SEC14L3: variants seen among roughly 807,000 people sequenced by gnomAD.
SEC14L3 encodes SEC14 like lipid binding 3.
A neutral mutation model predicts 57.4 loss-of-function variants in SEC14L3; 56 were observed. The ratio of observed to expected loss-of-function variants is 0.97; its 90% CI spans 0.79 to 1.22. The LOEUF (loss-of-function observed/expected upper bound fraction) is 1.22. Among genes scored for constraint, SEC14L3 ranks in the 50% most tolerant of loss-of-function variants. The pLI, the probability that SEC14L3 is intolerant of heterozygous loss-of-function variation, is 0.00. For missense variants in SEC14L3, 485 were observed against 511.7 expected (o/e 0.95, Z 0.50); for synonymous variants, 173 against 194.4 (o/e 0.89, Z 0.92).
At chr22:30,471,783 C>G in intron 1 of SEC14L3, 122 bp downstream of exon 1, 1 of 1,427,510 alleles carries the variant, frequency 7.0e-7, no homozygotes, top group Non-Finnish European at 9.8e-7. Flanking sequence ...GGAGGTAACA[C>G]CAAAGAGACA....
In SEC14L3 at chr22:30,459,353, TCAGA is replaced by T; in HGVS notation, c.*664_*667del. The T allele has an allele frequency of 1.0e-6, 1 of 985,410 alleles. No individual in the cohort carries two copies. Among genetic ancestry groups the T allele is most frequent in the East Asian group, 1.1e-4 (1 of 8,814 alleles). The allele number at this position is 985,410 out of a possible 1,614,324, so 61.0% of individuals were successfully genotyped here. ...TAGGGTGGGAAGCTGAGCGTGCAAG[TCAGA>T]CAAAGCCTGATGTAGGCAGCTCCTA... On this transcript the variant is annotated 3_prime_UTR_variant, in exon 12 of 12. Coordinates refer to ENST00000215812, the MANE Select transcript of SEC14L3 (RefSeq NM_174975.5).
chr22:30,452,213 G>A (rs1935000601), intron 12 of SEC14L3, among the ~76,000 whole-genome samples: 1 of 149,624 alleles, frequency 6.7e-6, no homozygotes, highest in Non-Finnish European at 1.5e-5. Flanking sequence ...AGAGATAACT[G>A]CACGTGCTCA....
At chr22:30,451,733 T>C (rs1246886461) in intron 12 of SEC14L3, among the ~76,000 whole-genome samples, 1 of 151,880 alleles carries the variant, frequency 6.6e-6, no homozygotes, top group Non-Finnish European at 1.5e-5. Flanking sequence ...CTCAAGCCTG[T>C]AACCCCAGCA....
At chr22:30,447,726 G>A (rs5753149), downstream of SEC14L3, among the ~76,000 whole-genome samples, 13,743 of 152,212 alleles carry the variant, frequency 0.09, 784 homozygotes, top group Middle Eastern at 0.15. Flanking sequence ...TAAATCCATC[G>A]TGAGTGAGGA....
downstream of SEC14L3, among the ~76,000 whole-genome samples, chr22:30,454,583 A>G (rs1569224999): frequency 2.9e-5 from 3 of 105,204 alleles, no homozygotes; most frequent in Non-Finnish European, 3.4e-5. Flanking sequence ...AATCTATAAT[A>G]ATATTATTAT....
chr22:30,462,468 A>T (rs961789166), intron 8 of SEC14L3, among the ~76,000 whole-genome samples: 1 of 151,800 alleles, frequency 6.6e-6, no homozygotes, highest in African/African-American at 2.4e-5. Flanking sequence ...GTGCAGTGGA[A>T]TGATCATGGC....
At chr22:30,457,572 G>A (rs1002825975), downstream of SEC14L3, among the ~76,000 whole-genome samples, 7 of 151,864 alleles carry the variant, frequency 4.6e-5, no homozygotes, top group South Asian at 2.1e-4. Context: ...TAGTAGAGAC[G>A]GGGTTTCACC....
At position 30,448,566 on chromosome 22, in the gene SEC14L3, TAAA is replaced by T. The variant is rs10580243; in HGVS notation, c.*518_*520del. 3.2e-3 allele frequency: 378 copies of T among 118,080 alleles called. 2 individuals are homozygous for T. The highest frequency in any genetic ancestry group is 4.9e-3 in the African/African-American group (149 of 30,386). The allele number at this position is 118,080 out of a possible 1,614,324, so 7.3% of individuals were successfully genotyped here. A position where few individuals can be genotyped will look rare whatever the true frequency, so the allele number is the denominator to read the frequency against. On this transcript the variant is annotated 3_prime_UTR_variant, in exon 13 of 13. Coordinates refer to the SEC14L3 transcript ENST00000403066. The stretch of plus-strand genomic sequence containing the variant: ...ACTAAACAAATGCCTTACATTCTCC[TAAA>T]AAAAAAAAAAAAAAAAGCCCAGACC...
downstream of SEC14L3, among the ~76,000 whole-genome samples, chr22:30,447,725 C>G (rs1047336065): frequency 6.6e-6 from 1 of 152,110 alleles, no homozygotes; most frequent in Non-Finnish European, 1.5e-5. Flanking sequence ...GTAAATCCAT[C>G]GTGAGTGAGG....
Position 30,449,109 on chromosome 22 carries a change from AAAGG to A in SEC14L3, c.1036_1039del (p.Pro346TyrfsTer14). 6.4e-7 allele frequency: 1 copy of A among 1,550,596 alleles called. No homozygotes were observed. On this transcript the variant is annotated frameshift_variant, in exon 13 of 13. Coordinates refer to the SEC14L3 transcript ENST00000403066. LOFTEE classifies it high-confidence loss of function. Reference sequence around the variant, plus strand: ...AAATTAGTTACTGGCAGGGAGGGGTAAAGGCCTACTTAGCTTGCATTTTCGTACC... The same window carrying A: ...AAATTAGTTACTGGCAGGGAGGGGTACCTACTTAGCTTGCATTTTCGTACC...
exon 13 of SEC14L3, chr22:30,448,968 C>T (rs933281470): frequency 1.8e-5 from 16 of 903,526 alleles, no homozygotes; most frequent in Non-Finnish European, 2.6e-5. Context: ...TATAGATAAC[C>T]CCTCTTAGAA....
At chr22:30,450,858 C>T (rs536769905) in intron 12 of SEC14L3, among the ~76,000 whole-genome samples, 1 of 152,322 alleles carries the variant, frequency 6.6e-6, no homozygotes, top group Admixed American at 6.5e-5. Flanking sequence ...GTGGGCTCTT[C>T]CTAGCACACA....
chr22:30,452,918 A>G (rs918540899), intron 12 of SEC14L3, among the ~76,000 whole-genome samples: 1 of 151,910 alleles, frequency 6.6e-6, no homozygotes, highest in African/African-American at 2.4e-5. Flanking sequence ...GGTTTTCACC[A>G]CGTTGCTCAG....
At position 30,461,413 on chromosome 22, in the gene SEC14L3, C is replaced by T. The variant is rs367543382; in HGVS notation, c.978G>A (p.Glu326=). The T allele has an allele frequency of 4.3e-6, 7 of 1,614,116 alleles. No homozygotes were observed. Among genetic ancestry groups the T allele is most frequent in the East Asian group, 4.5e-5 (2 of 44,876 alleles). The change falls in exon 11 of 12, where the codon GAG becomes GAA. Residue 326 remains glutamate, a synonymous_variant. Transcript: ENST00000215812. ...CTGTCATCTCCCCTGCCCGCTGTCGCTCCCCCATCTTGGTCTTCAGGAAAA... is the reference window on the plus strand; with the variant it reads ...CTGTCATCTCCCCTGCCCGCTGTCGTTCCCCCATCTTGGTCTTCAGGAAAA... ...FGVFLKTKMG[E]RQRAGEMTDV... is the part of the protein sequence containing the mutation.
chr22:30,451,711 C>G (rs533504231), intron 12 of SEC14L3, among the ~76,000 whole-genome samples: 1 of 151,866 alleles, frequency 6.6e-6, no homozygotes, highest in Non-Finnish European at 1.5e-5. Flanking sequence ...GGCTGATGGC[C>G]GGGCCCGGTG....
chr22:30,468,448 C>T (rs1601825118), intron 5 of SEC14L3, 60 bp downstream of exon 5: 1 of 1,329,412 alleles, frequency 7.5e-7, no homozygotes, highest in Non-Finnish European at 1.1e-6. Context: ...TTTCTGAGAC[C>T]AATCCCCCCG....
chr22:30,452,888 G>T (rs962819912), intron 12 of SEC14L3, among the ~76,000 whole-genome samples: 1 of 151,622 alleles, frequency 6.6e-6, no homozygotes, highest in Non-Finnish European at 1.5e-5. Context: ...TAATTTTTTT[G>T]TTGTTTTTTG....
downstream of SEC14L3, among the ~76,000 whole-genome samples, chr22:30,456,675 T>G (rs183913227): frequency 8.1e-4 from 123 of 152,278 alleles, no homozygotes; most frequent in Non-Finnish European, 1.4e-3. Context: ...GGGCCACATT[T>G]CCTCCTGAGA....
At chr22:30,469,755 G>A (rs1170600718) in intron 4 of SEC14L3, among the ~76,000 whole-genome samples, 1 of 152,116 alleles carries the variant, frequency 6.6e-6, no homozygotes. Context: ...CCTAATTTTT[G>A]CTGGGCTTCA....
Sources: gnomAD v4.1 joint callset for allele counts (sites outside exome capture counted in the v4.1 genomes callset) on GRCh38, gnomAD v4.1.1 for gene constraint, MANE v1.5 for transcripts, NCBI Gene and HGNC (gene_info 2026-07-23, HGNC 2026-07-21) for gene names.